DLC1: variants seen among roughly 807,000 people sequenced by gnomAD.
The protein encoded by DLC1 is DLC1 Rho GTPase activating protein.
Under a neutral mutation model 140.3 loss-of-function variants are expected in DLC1, and 54 were observed. The observed-to-expected ratio is 0.38, with a 90% CI of 0.31 to 0.48. The LOEUF (loss-of-function observed/expected upper bound fraction) is 0.48. Among genes scored for constraint, DLC1 ranks in the 20% least tolerant of loss-of-function variants. DLC1 has a pLI of 0.96. For synonymous variants in DLC1, 986 were observed against 728.1 expected (o/e 1.35, Z -5.70); for missense variants, 2,536 against 1,907.0 (o/e 1.33, Z -6.14).
intron 1 of DLC1, among the ~76,000 whole-genome samples, chr8:13,577,252 C>G (rs946980990): frequency 5.3e-5 from 8 of 152,168 alleles, no homozygotes; most frequent in South Asian, 2.1e-4. Context: ...AGTATTTTAG[C>G]TGGACAGTAG....
At position 13,100,539 on chromosome 8, in the gene DLC1, T is replaced by C. The variant is rs550118820; in HGVS notation, c.1798A>G (p.Thr600Ala). ...EVSSVRSLSSTGSLPSHAPPS... is the reference protein window; with the variant it reads ...EVSSVRSLSSAGSLPSHAPPS... ...GGCGCGTGGCTGGGGAGGCTGCCAG[T>C]GCTGCTGAGGCTGCGGACGGAAGAC... The change falls in exon 9 of 18, where the codon ACT (threonine) becomes GCT (alanine). Residue 600 changes from threonine to alanine, a missense_variant. Coordinates refer to ENST00000276297, the MANE Select transcript of DLC1 (RefSeq NM_182643.3). The C allele has an allele frequency of 1.2e-6, 2 of 1,613,096 alleles. No homozygotes were observed. The highest frequency in any genetic ancestry group is 4.5e-5 in the East Asian group (2 of 44,872).
rs1038563746 is a variant in DLC1, at chr8:13,504,277, C to T, written c.-125-4081G>A. On this transcript the variant is annotated intron_variant, in intron 1 of 17. Transcript: ENST00000276297. ...GAGTAGCTGGGATTACAGGCATGTGCCACAATGCCAGGATAATTTTTTATT... is the reference window on the plus strand; with the variant it reads ...GAGTAGCTGGGATTACAGGCATGTGTCACAATGCCAGGATAATTTTTTATT... Among the ~76,000 whole-genome samples, 7 of 152,148 alleles carry T rather than the reference C, an allele frequency of 4.6e-5. No individual in the cohort carries two copies. The South Asian group carries it at 8.3e-4, about 18-fold the overall frequency.
intron 5 of DLC1, among the ~76,000 whole-genome samples, chr8:13,246,222 C>T (rs1829758004): frequency 6.6e-6 from 1 of 152,076 alleles, no homozygotes; most frequent in African/African-American, 2.4e-5. Context: ...GAATTAAATA[C>T]ACATTTTTAT....
At chr8:13,431,781 G>T (rs891421891) in intron 2 of DLC1, among the ~76,000 whole-genome samples, 1 of 152,100 alleles carries the variant, frequency 6.6e-6, no homozygotes, top group South Asian at 2.1e-4. Flanking sequence ...AACGTGGGTG[G>T]GGAAGTGGGG....
intron 4 of DLC1, among the ~76,000 whole-genome samples, chr8:13,331,320 C>A (rs1012343349): frequency 2.0e-5 from 3 of 152,080 alleles, no homozygotes; most frequent in Non-Finnish European, 2.9e-5. Context: ...TGGTAGGATT[C>A]TTTTTTGCTC....
intron 2 of DLC1, among the ~76,000 whole-genome samples, chr8:13,448,506 G>A (rs147989226): frequency 0.011 from 1,638 of 152,050 alleles, 16 homozygotes; most frequent in Non-Finnish European, 0.018. Flanking sequence ...GGGACTACAG[G>A]TGTGCGCCAC....
At chr8:13,312,557 T>G (rs2117556087) in intron 4 of DLC1, among the ~76,000 whole-genome samples, 1 of 152,044 alleles carries the variant, frequency 6.6e-6, no homozygotes, top group East Asian at 1.9e-4. Context: ...TTTCATCTTA[T>G]AAATCCTTTT....
At chr8:13,099,184 C>T (rs78030701) in intron 9 of DLC1, among the ~76,000 whole-genome samples, 163 bp downstream of exon 9, 1,553 of 152,236 alleles carry the variant, frequency 0.01, 22 homozygotes, top group African/African-American at 0.035. Flanking sequence ...TCAATCCTAT[C>T]GATTTCTTTG....
intron 1 of DLC1, among the ~76,000 whole-genome samples, chr8:13,543,455 G>T (rs1277286294): frequency 2.0e-5 from 3 of 151,954 alleles, no homozygotes; most frequent in Admixed American, 1.3e-4. Flanking sequence ...GAGGATTGTT[G>T]GATCAAATTG....
At chr8:13,365,037 A>C (rs897652786) in intron 4 of DLC1, among the ~76,000 whole-genome samples, 2 of 152,182 alleles carry the variant, frequency 1.3e-5, no homozygotes, top group African/African-American at 4.8e-5. Context: ...TTCAACTAGG[A>C]CACGTGTCTT....
intron 1 of DLC1, among the ~76,000 whole-genome samples, chr8:13,512,899 C>G (rs916532870): frequency 2.0e-5 from 3 of 150,040 alleles, no homozygotes; most frequent in Non-Finnish European, 4.4e-5. Flanking sequence ...TGAAGGCATA[C>G]TGATTTGATT....
intron 1 of DLC1, among the ~76,000 whole-genome samples, chr8:13,578,369 C>G (rs1405891560): frequency 6.6e-6 from 1 of 152,150 alleles, no homozygotes; most frequent in African/African-American, 2.4e-5. Flanking sequence ...AGTCACTCAA[C>G]ATTTATGACA....
chr8:13,206,910 G>A (rs962231144), intron 5 of DLC1, among the ~76,000 whole-genome samples: 4 of 152,038 alleles, frequency 2.6e-5, no homozygotes, highest in Non-Finnish European at 4.4e-5. Flanking sequence ...TTTCAGTGAT[G>A]ATAAGCAGCT....
intron 1 of DLC1, among the ~76,000 whole-genome samples, chr8:13,539,612 T>A (rs907457389): frequency 6.6e-6 from 1 of 152,258 alleles, no homozygotes; most frequent in South Asian, 2.1e-4. Flanking sequence ...GGAGCTTCTG[T>A]CCCTCACCAG....
chr8:13,580,030 G>C (rs539178109), intron 1 of DLC1, among the ~76,000 whole-genome samples: 2 of 152,242 alleles, frequency 1.3e-5, no homozygotes, highest in Admixed American at 1.3e-4. Context: ...CATGCTCTAG[G>C]CTGAGACACA....
Position 13,101,860 on chromosome 8 carries a change from G to A in DLC1, c.1566+930C>T, listed in dbSNP as rs573524848. Reference sequence around the variant, plus strand: ...GGGATAAGCTGTCACACGGACTATTGCATCTTGGCCTTTTCGGCAGGATAT... The same window carrying A: ...GGGATAAGCTGTCACACGGACTATTACATCTTGGCCTTTTCGGCAGGATAT... On this transcript the variant is annotated intron_variant, in intron 8 of 17. Coordinates refer to ENST00000276297, the MANE Select transcript of DLC1 (RefSeq NM_182643.3). Among the ~76,000 whole-genome samples, 3 of 152,282 alleles carry A rather than the reference G, an allele frequency of 2.0e-5. No homozygotes were observed. In the East Asian group the frequency reaches 5.8e-4, roughly 29 times the overall value.
chr8:13,550,486 T>C (rs1295676036), intron 1 of DLC1, among the ~76,000 whole-genome samples: 1 of 152,124 alleles, frequency 6.6e-6, no homozygotes, highest in East Asian at 1.9e-4. Flanking sequence ...TTGAGCTATA[T>C]ACAGGCAATT....
At chr8:13,593,827 T>G (rs1805599321) in intron 1 of DLC1, among the ~76,000 whole-genome samples, 1 of 152,086 alleles carries the variant, frequency 6.6e-6, no homozygotes, top group Non-Finnish European at 1.5e-5. Context: ...TGAGGTGGTG[T>G]GGGCAAAGAT....
intron 2 of DLC1, among the ~76,000 whole-genome samples, chr8:13,434,048 G>T (rs1252458344): frequency 1.3e-5 from 2 of 152,034 alleles, no homozygotes; most frequent in East Asian, 3.9e-4. Flanking sequence ...TTTTGTTTTT[G>T]GTCTTTTTAA....
Sources: gnomAD v4.1 joint callset for allele counts (sites outside exome capture counted in the v4.1 genomes callset) on GRCh38, gnomAD v4.1.1 for gene constraint, MANE v1.5 for transcripts, NCBI Gene and HGNC (gene_info 2026-07-23, HGNC 2026-07-21) for gene names.